The following NSMCE2 variants were observed in gnomAD, a reference collection of about 807,000 sequenced individuals.
NSMCE2 encodes the protein E3 SUMO-protein ligase NSE2.
In NSMCE2, 24 loss-of-function variants were observed where a neutral mutation model predicts 23.8. That is an observed-to-expected ratio of 1.01 (90% CI 0.73 to 1.42). The LOEUF (loss-of-function observed/expected upper bound fraction) is 1.42, where lower values mean the gene tolerates loss of function less well. Among genes scored for constraint, NSMCE2 ranks in the 40% most tolerant of loss-of-function variants. The pLI is 0.00. For synonymous variants in NSMCE2, 92 were observed against 94.1 expected (o/e 0.98, Z 0.13); for missense variants, 284 against 296.5 (o/e 0.96, Z 0.31).
chr8:125,244,501 C>T lies in NSMCE2; in HGVS notation c.418+62245C>T, dbSNP rs562149238. ...ACATTTATTACCATGCAGTGACTAC[C>T]CTATGTTGTTAAAAGACAAGGATTC... On this transcript the variant is annotated intron_variant, in intron 5 of 7. Transcript: ENST00000287437. Among the ~76,000 whole-genome samples the T allele has an allele frequency of 2.9e-4, 44 of 152,114 alleles. No homozygotes were observed. The South Asian group carries it at 2.9e-3, about 10-fold the overall frequency.
At chr8:125,231,984 A>C (rs1825342429) in intron 5 of NSMCE2, among the ~76,000 whole-genome samples, 1 of 152,142 alleles carries the variant, frequency 6.6e-6, no homozygotes, top group Non-Finnish European at 1.5e-5. Flanking sequence ...ACTCCTCTGA[A>C]CCTCGTGTTT....
In NSMCE2 at chr8:125,258,602, GT is replaced by G. The variant is rs542386072; in HGVS notation, c.418+76350del. 7.2e-5 allele frequency among the ~76,000 whole-genome samples: 11 copies of G among 152,276 alleles called. No individual in the cohort carries two copies. The South Asian group carries it at 2.1e-3, about 29-fold the overall frequency. On this transcript the variant is annotated intron_variant, in intron 5 of 7. Coordinates refer to ENST00000287437, the MANE Select transcript of NSMCE2 (RefSeq NM_173685.4). ...TCTGTGTGCAACTGGAGGATGGCTTGTTTTGTTTTTTATAATGGCATGAGGG... is the reference window on the plus strand; with the variant it reads ...TCTGTGTGCAACTGGAGGATGGCTTGTTTGTTTTTTATAATGGCATGAGGG...
intron 7 of NSMCE2, among the ~76,000 whole-genome samples, chr8:125,358,144 C>T (rs1358405844): frequency 6.6e-6 from 1 of 152,026 alleles, no homozygotes; most frequent in Non-Finnish European, 1.5e-5. Context: ...ACCAGCCTGG[C>T]CAACATGGTG....
intron 7 of NSMCE2, among the ~76,000 whole-genome samples, chr8:125,362,547 A>G (rs1238590741): frequency 6.6e-6 from 1 of 152,210 alleles, no homozygotes; most frequent in Non-Finnish European, 1.5e-5. Flanking sequence ...AGTCCTTGAC[A>G]CACATCAGCC....
intron 1 of NSMCE2, among the ~76,000 whole-genome samples, chr8:125,095,536 G>A (rs1004279435): frequency 6.6e-6 from 1 of 152,110 alleles, no homozygotes; most frequent in Non-Finnish European, 1.5e-5. Flanking sequence ...TGAGGCTGTA[G>A]CGAGCATGAT....
intron 5 of NSMCE2, among the ~76,000 whole-genome samples, chr8:125,205,480 G>C (rs1424903189): frequency 6.6e-6 from 1 of 152,122 alleles, no homozygotes; most frequent in Non-Finnish European, 1.5e-5. Flanking sequence ...TTCTGTATCT[G>C]CTGCTTTTGG....
intron 5 of NSMCE2, among the ~76,000 whole-genome samples, chr8:125,262,927 CG>C (rs962127371): frequency 1.2e-4 from 7 of 60,582 alleles, no homozygotes; most frequent in Admixed American, 7.8e-4. Context: ...AGTGCCTCCG[CG>C]AAAAAAGGTT....
At chr8:125,247,398 A>T (rs1323988794) in intron 5 of NSMCE2, among the ~76,000 whole-genome samples, 1 of 152,190 alleles carries the variant, frequency 6.6e-6, no homozygotes. Context: ...CAAATAGCAA[A>T]TATTAATAAA....
At chr8:125,301,223 A>C (rs1828550571) in intron 5 of NSMCE2, among the ~76,000 whole-genome samples, 1 of 152,170 alleles carries the variant, frequency 6.6e-6, no homozygotes, top group Non-Finnish European at 1.5e-5. Flanking sequence ...AGGGGGCCTG[A>C]GGAAAATCAC....
chr8:125,155,689 A>G (rs1403513670), intron 4 of NSMCE2, among the ~76,000 whole-genome samples: 1 of 152,180 alleles, frequency 6.6e-6, no homozygotes. Flanking sequence ...GTTTCTGATT[A>G]TATGTTTATG....
At chr8:125,266,670 T>G (rs531958141) in intron 5 of NSMCE2, among the ~76,000 whole-genome samples, 1 of 152,336 alleles carries the variant, frequency 6.6e-6, no homozygotes, top group East Asian at 1.9e-4. Context: ...GTTCAGGCTT[T>G]CATGAGAATT....
chr8:125,177,874 C>T (rs564523295), intron 4 of NSMCE2, among the ~76,000 whole-genome samples: 2 of 152,158 alleles, frequency 1.3e-5, no homozygotes, highest in African/African-American at 2.4e-5. Flanking sequence ...ATGTTTCTAG[C>T]TTCGTACTAG....
chr8:125,234,050 G>A (rs536897729), intron 5 of NSMCE2, among the ~76,000 whole-genome samples: 118 of 151,222 alleles, frequency 7.8e-4, no homozygotes, highest in African/African-American at 2.4e-3. Flanking sequence ...AAAATTAGTC[G>A]GGTATGGTGT....
intron 3 of NSMCE2, among the ~76,000 whole-genome samples, chr8:125,107,500 A>G (rs1207512833): frequency 6.6e-6 from 1 of 152,088 alleles, no homozygotes; most frequent in Non-Finnish European, 1.5e-5. Context: ...CCTATCAAGG[A>G]CATTCTTAAA....
At chr8:125,097,654 T>G (rs1818000944) in intron 1 of NSMCE2, among the ~76,000 whole-genome samples, 1 of 152,194 alleles carries the variant, frequency 6.6e-6, no homozygotes, top group Non-Finnish European at 1.5e-5. Flanking sequence ...AGTGGGTTTG[T>G]GTAATCGGTT....
intron 5 of NSMCE2, among the ~76,000 whole-genome samples, chr8:125,341,894 A>G (rs1830264045): frequency 9.0e-6 from 1 of 111,368 alleles, no homozygotes; most frequent in African/African-American, 4.0e-5. Context: ...GGATCTAGAA[A>G]TGGAAAAAAA....
chr8:125,134,375 T>C (rs1451864403), intron 3 of NSMCE2, among the ~76,000 whole-genome samples: 1 of 152,222 alleles, frequency 6.6e-6, no homozygotes, highest in East Asian at 1.9e-4. Context: ...ATGGGATCTA[T>C]GTGTGGAGTA....
chr8:125,318,764 CAAAG>C (rs1308322658), intron 5 of NSMCE2, among the ~76,000 whole-genome samples: 1 of 152,124 alleles, frequency 6.6e-6, no homozygotes, highest in African/African-American at 2.4e-5. Flanking sequence ...AGACAGGAAA[CAAAG>C]GAAATGGGTC....
intron 3 of NSMCE2, among the ~76,000 whole-genome samples, chr8:125,130,791 G>T (rs571302868): frequency 6.6e-6 from 1 of 152,182 alleles, no homozygotes; most frequent in Non-Finnish European, 1.5e-5. Flanking sequence ...CTAGTGCTGC[G>T]TGGTTAAATT....
Sources: allele counts gnomAD v4.1 joint callset (sites outside exome capture counted in the v4.1 genomes callset), GRCh38; gene constraint gnomAD v4.1.1; transcripts MANE v1.5; gene names NCBI Gene and HGNC (gene_info 2026-07-23, HGNC 2026-07-21).